Variants in PTPRT observed in about 807,000 individuals in gnomAD.
PTPRT encodes receptor-type tyrosine-protein phosphatase T.
A neutral mutation model predicts 176.8 loss-of-function variants in PTPRT; 56 were observed. That is an observed-to-expected ratio of 0.32 (90% CI 0.26 to 0.40). PTPRT has a LOEUF of 0.40. Among genes scored for constraint, PTPRT ranks in the 10% least tolerant of loss-of-function variants. The probability of loss-of-function intolerance (pLI) is 1.00; values close to 1 mark genes in which losing one functional copy is unlikely to be tolerated. For synonymous variants in PTPRT, 783 were observed against 739.0 expected (o/e 1.06, Z -0.96); for missense variants, 1,540 against 1,908.2 (o/e 0.81, Z 3.60).
intron 1 of PTPRT, among the ~76,000 whole-genome samples, chr20:42,993,677 CT>C (rs1407503669): frequency 6.6e-6 from 1 of 151,524 alleles, no homozygotes; most frequent in Non-Finnish European, 1.5e-5. Flanking sequence ...TCTCGGTCCT[CT>C]TTCTTTGCTC....
intron 17 of PTPRT, among the ~76,000 whole-genome samples, chr20:42,155,738 GC>G (rs1989322401): frequency 6.6e-6 from 1 of 152,054 alleles, no homozygotes; most frequent in South Asian, 2.1e-4. Context: ...GGCTCTACAT[GC>G]AGAAAAAGTG....
At chr20:42,498,722 C>T (rs536361653) in intron 7 of PTPRT, among the ~76,000 whole-genome samples, 33 of 152,168 alleles carry the variant, frequency 2.2e-4, no homozygotes, top group African/African-American at 5.1e-4. Flanking sequence ...TTCCACAACT[C>T]GACCTCTCTT....
At chr20:42,542,130 C>G (rs183519438) in intron 7 of PTPRT, among the ~76,000 whole-genome samples, 11 of 152,138 alleles carry the variant, frequency 7.2e-5, no homozygotes, top group Admixed American at 2.0e-4. Flanking sequence ...TCTTCCTCTG[C>G]CATGATTGTG....
chr20:42,379,753 G>A (rs2058682403), intron 9 of PTPRT, among the ~76,000 whole-genome samples: 1 of 152,200 alleles, frequency 6.6e-6, no homozygotes, highest in African/African-American at 2.4e-5. Context: ...GAATGGAAAA[G>A]CTAAAGTCTC....
At chr20:42,546,988 G>A (rs2072687529) in intron 7 of PTPRT, among the ~76,000 whole-genome samples, 1 of 152,020 alleles carries the variant, frequency 6.6e-6, no homozygotes, top group Non-Finnish European at 1.5e-5. Context: ...GTAACACAGA[G>A]ACATAAAGTT....
At chr20:43,129,217 A>T (rs1392977499) in intron 1 of PTPRT, among the ~76,000 whole-genome samples, 1 of 152,188 alleles carries the variant, frequency 6.6e-6, no homozygotes, top group Non-Finnish European at 1.5e-5. Context: ...CCAGCATTTC[A>T]AGTAGGCTCT....
At chr20:42,834,762 G>A (rs57532016) in intron 2 of PTPRT, among the ~76,000 whole-genome samples, 1 of 151,898 alleles carries the variant, frequency 6.6e-6, no homozygotes, top group African/African-American at 2.4e-5. Flanking sequence ...ATGTACTAGA[G>A]TAATGGATAT....
At chr20:42,293,679 C>T (rs2147095572) in intron 12 of PTPRT, among the ~76,000 whole-genome samples, 1 of 152,224 alleles carries the variant, frequency 6.6e-6, no homozygotes, top group African/African-American at 2.4e-5. Context: ...ATCTGTCTAC[C>T]TGAAATACTC....
chr20:42,750,993 G>A (rs969458846), intron 6 of PTPRT, among the ~76,000 whole-genome samples: 7 of 152,120 alleles, frequency 4.6e-5, no homozygotes, highest in Non-Finnish European at 1.0e-4. Context: ...ATTCCAATTT[G>A]CTTTCATTTC....
In PTPRT at chr20:42,472,501, C is replaced by T. The variant is rs2071216173; in HGVS notation, c.1215G>A (p.Leu405=). ...IVDIRARQLT[L]QWEPFGYAVT... The stretch of plus-strand genomic sequence containing the variant: ...CCGCGTAGCCGAAGGGCTCCCACTG[C>T]AGGGTCAGCTGCCGGGCTCTGATGT... Residue 405 remains leucine (L), a synonymous_variant, in exon 8 of 31, where the codon CTG becomes CTA. Coordinates refer to ENST00000373187, the MANE Select transcript of PTPRT (RefSeq NM_007050.6). 6.2e-7 allele frequency: 1 copy of T among 1,614,124 alleles called. No individual in the cohort carries two copies. Among genetic ancestry groups the T allele is most frequent in the Non-Finnish European group, 8.5e-7 (1 of 1,180,048 alleles).
chr20:43,163,658 A>AAAAC (rs2014775632), intron 1 of PTPRT, among the ~76,000 whole-genome samples: 3 of 151,880 alleles, frequency 2.0e-5, no homozygotes, highest in East Asian at 1.9e-4. Context: ...CAAAACAAAA[A>AAAAC]AAAAAACAGG....
chr20:42,402,759 T>C (rs763749317), intron 9 of PTPRT, among the ~76,000 whole-genome samples: 23 of 151,668 alleles, frequency 1.5e-4, no homozygotes, highest in Non-Finnish European at 2.8e-4. Flanking sequence ...AAACATCTGC[T>C]GCTACTCATG....
At chr20:42,662,734 C>T (rs1422631293) in intron 7 of PTPRT, among the ~76,000 whole-genome samples, 1 of 152,146 alleles carries the variant, frequency 6.6e-6, no homozygotes, top group African/African-American at 2.4e-5. Flanking sequence ...CTGTCCCTTA[C>T]TCTATTTGAA....
At chr20:43,179,559 T>G (rs371694896) in intron 1 of PTPRT, among the ~76,000 whole-genome samples, 29 of 152,320 alleles carry the variant, frequency 1.9e-4, no homozygotes, top group African/African-American at 6.3e-4. Context: ...CGTACTTCAA[T>G]TTTGGGGGTA....
chr20:42,917,518 T>A (rs545700984), intron 1 of PTPRT, among the ~76,000 whole-genome samples: 1 of 152,338 alleles, frequency 6.6e-6, no homozygotes, highest in South Asian at 2.1e-4. Context: ...GGTAGCTTCA[T>A]GGGGATGGCA....
chr20:42,203,372 C>G lies in PTPRT; in HGVS notation c.2343-3984G>C, dbSNP rs115263188. Among the ~76,000 whole-genome samples, 448 of 152,282 alleles carry G rather than the reference C, an allele frequency of 2.9e-3. 1 individual carries two copies. Among genetic ancestry groups the G allele is most frequent in the African/African-American group, 0.01 (418 of 41,544 alleles). On this transcript the variant is annotated intron_variant, in intron 15 of 30. Transcript: ENST00000373187. Reference sequence around the variant, plus strand: ...AACCCAAATCTGTGAATAGGGCAAACAAGACCCTTAAACTAAGGACTGGGC... The same window carrying G: ...AACCCAAATCTGTGAATAGGGCAAAGAAGACCCTTAAACTAAGGACTGGGC...
At chr20:42,351,701 C>A (rs1257559170) in intron 10 of PTPRT, among the ~76,000 whole-genome samples, 1 of 152,066 alleles carries the variant, frequency 6.6e-6, no homozygotes, top group Non-Finnish European at 1.5e-5. Context: ...TTCATTCATT[C>A]ATTCATTCAT....
intron 9 of PTPRT, among the ~76,000 whole-genome samples, chr20:42,423,176 A>C (rs1412629501): frequency 8.8e-6 from 1 of 113,652 alleles, no homozygotes; most frequent in Non-Finnish European, 1.8e-5. Flanking sequence ...TGACCTTAAA[A>C]GTAAAAAAAA....
chr20:42,671,518 T>A lies in PTPRT; in HGVS notation c.1153+6348A>T, dbSNP rs2075412845. Reference sequence around the variant, plus strand: ...TGAGATCCCAGACCACAGCATGAACTCTGAAATGGGATTTTCCAGGAGATG... The same window carrying A: ...TGAGATCCCAGACCACAGCATGAACACTGAAATGGGATTTTCCAGGAGATG... On this transcript the variant is annotated intron_variant, in intron 7 of 30. Coordinates refer to ENST00000373187, the MANE Select transcript of PTPRT (RefSeq NM_007050.6). Among the ~76,000 whole-genome samples, 5 of 152,326 alleles carry A rather than the reference T, an allele frequency of 3.3e-5. No homozygotes were observed. In the South Asian group the frequency reaches 8.3e-4, roughly 25 times the overall value.
Sources: allele counts gnomAD v4.1 joint callset (sites outside exome capture counted in the v4.1 genomes callset), GRCh38; gene constraint gnomAD v4.1.1; transcripts MANE v1.5; gene names NCBI Gene and HGNC (gene_info 2026-07-23, HGNC 2026-07-21).